Variants in PELI2 observed in about 807,000 individuals in gnomAD.
The protein encoded by PELI2 is pellino E3 ubiquitin protein ligase family member 2, also known as E3 ubiquitin-protein ligase pellino homolog 2.
A neutral mutation model predicts 42.3 loss-of-function variants in PELI2; 23 were observed. That is an observed-to-expected ratio of 0.54 (90% CI 0.39 to 0.77). The LOEUF (loss-of-function observed/expected upper bound fraction) is 0.77. Among genes scored for constraint, PELI2 ranks in the 30% least tolerant of loss-of-function variants. The pLI, the probability that PELI2 is intolerant of heterozygous loss-of-function variation, is 0.00. For missense variants in PELI2, 463 were observed against 553.2 expected (o/e 0.84, Z 1.64); for synonymous variants, 245 against 212.2 (o/e 1.15, Z -1.34).
At chr14:56,220,281 C>T (rs1440691992) in intron 2 of PELI2, among the ~76,000 whole-genome samples, 1 of 152,068 alleles carries the variant, frequency 6.6e-6, no homozygotes, top group African/African-American at 2.4e-5. Flanking sequence ...TTTTCATTTG[C>T]GCAAAGGCAC....
In PELI2 at chr14:56,236,456, T is replaced by TTG; in HGVS notation, c.208-43211_208-43210dup. ...CCAGACTTCTAGCTGGCTTTGAGTA[T>TTG]TGTGTGTGTGATGCATGCATATGCA... On this transcript the variant is annotated intron_variant, in intron 2 of 5. Transcript: ENST00000267460. Among the ~76,000 whole-genome samples, 4 of 152,316 alleles carry TTG rather than the reference T, an allele frequency of 2.6e-5. No homozygotes were observed. In the East Asian group the frequency reaches 7.7e-4, roughly 29 times the overall value.
At chr14:56,124,890 A>C (rs903458787) in intron 1 of PELI2, among the ~76,000 whole-genome samples, 1 of 152,234 alleles carries the variant, frequency 6.6e-6, no homozygotes, top group Non-Finnish European at 1.5e-5. Flanking sequence ...GAATGATTGA[A>C]TGAAACATTG....
chr14:56,135,029 A>G (rs1268396074), intron 1 of PELI2, among the ~76,000 whole-genome samples: 1 of 152,204 alleles, frequency 6.6e-6, no homozygotes, highest in African/African-American at 2.4e-5. Flanking sequence ...GGGAAATGTA[A>G]TATTTTTAAA....
At chr14:56,222,708 G>A (rs1242105138) in intron 2 of PELI2, among the ~76,000 whole-genome samples, 1 of 152,218 alleles carries the variant, frequency 6.6e-6, no homozygotes, top group East Asian at 1.9e-4. Flanking sequence ...TCTCTGGGCA[G>A]ACACTGCACA....
intron 2 of PELI2, among the ~76,000 whole-genome samples, chr14:56,239,203 C>G (rs1169123691): frequency 6.6e-6 from 1 of 152,178 alleles, no homozygotes; most frequent in Non-Finnish European, 1.5e-5. Flanking sequence ...CTGTCTTGCT[C>G]TCTGCATTTT....
Position 56,176,003 on chromosome 14 carries a change from C to T in PELI2, c.78-2332C>T, listed in dbSNP as rs572943707. Among the ~76,000 whole-genome samples the T allele has an allele frequency of 9.1e-4, 139 of 152,308 alleles. 1 individual carries two copies. Among genetic ancestry groups the T allele is most frequent in the Middle Eastern group, 6.8e-3 (2 of 294 alleles). On this transcript the variant is annotated intron_variant, in intron 1 of 5. Transcript: ENST00000267460. ...TACATTTTACAGCTCTAGCCAGCAA[C>T]TGAGAATGGATGACTATCTCTCTGT... is the stretch of plus-strand genomic sequence containing the variant.
intron 2 of PELI2, among the ~76,000 whole-genome samples, chr14:56,224,505 A>G (rs1398100330): frequency 6.6e-6 from 1 of 152,198 alleles, no homozygotes; most frequent in Non-Finnish European, 1.5e-5. Flanking sequence ...TGCACTTGAG[A>G]AAAGGGCCAT....
chr14:56,265,111 CTTT>C (rs999786764), intron 2 of PELI2, among the ~76,000 whole-genome samples: 1 of 152,082 alleles, frequency 6.6e-6, no homozygotes, highest in African/African-American at 2.4e-5. Flanking sequence ...TCCCAGCAGA[CTTT>C]TTTAAGAGAA....
intron 1 of PELI2, among the ~76,000 whole-genome samples, chr14:56,177,299 T>A (rs148768184): frequency 6.6e-6 from 1 of 152,120 alleles, no homozygotes; most frequent in Non-Finnish European, 1.5e-5. Context: ...CCCTTCTGGG[T>A]GTAGCTGGAA....
rs55861626 is a variant in PELI2, at chr14:56,197,916, GACACACACACACACACAC to G, written c.207+19467_207+19484del. 7.2e-6 allele frequency among the ~76,000 whole-genome samples: 1 copy of G among 138,172 alleles called. No homozygotes were observed. The highest frequency in any genetic ancestry group is 2.8e-5 in the African/African-American group (1 of 35,666). The allele number at this position is 138,172 out of a possible 152,430, so 90.6% of individuals were successfully genotyped here. The stretch of plus-strand genomic sequence containing the variant: ...CACACCAGGAATGGTGACTGGTGAA[GACACACACACACACACAC>G]ACACACACACACACCAGGGATCATG... On this transcript the variant is annotated intron_variant, in intron 2 of 5. Transcript: ENST00000267460. This position sits in a 1 kb window ranked among gnomAD's most constrained non-coding sequence, Gnocchi z 4.9.
intron 1 of PELI2, among the ~76,000 whole-genome samples, chr14:56,130,258 G>A (rs1440518752): frequency 2.0e-5 from 3 of 152,088 alleles, no homozygotes; most frequent in African/African-American, 7.2e-5. Context: ...CTCTTTAAAT[G>A]TTTAGCAAGG....
At chr14:56,268,248 T>G (rs1439955625) in intron 2 of PELI2, among the ~76,000 whole-genome samples, 1 of 152,230 alleles carries the variant, frequency 6.6e-6, no homozygotes, top group Non-Finnish European at 1.5e-5. Context: ...CGCAGGATGC[T>G]TTATTTTTAC....
chr14:56,181,870 GTGTT>G (rs1235399070), intron 2 of PELI2, among the ~76,000 whole-genome samples: 5 of 139,748 alleles, frequency 3.6e-5, no homozygotes, highest in East Asian at 4.3e-4. Flanking sequence ...GTGTGTGTGT[GTGTT>G]TTTAAATTAA....
At chr14:56,235,001 T>A (rs1396784873) in intron 2 of PELI2, among the ~76,000 whole-genome samples, 2 of 152,180 alleles carry the variant, frequency 1.3e-5, no homozygotes, top group Non-Finnish European at 2.9e-5. Context: ...TTCCTACTAC[T>A]TCACTTTCTT....
intron 1 of PELI2, among the ~76,000 whole-genome samples, chr14:56,165,874 A>G (rs1221870274): frequency 1.3e-5 from 2 of 151,880 alleles, no homozygotes; most frequent in African/African-American, 2.4e-5. Context: ...AACTTTTTCT[A>G]TCCCTTTATT....
At chr14:56,212,679 G>C (rs750005153) in intron 2 of PELI2, among the ~76,000 whole-genome samples, 7 of 152,214 alleles carry the variant, frequency 4.6e-5, no homozygotes, top group African/African-American at 1.7e-4. Context: ...TGCCAAGCTC[G>C]TGTAGCAAGT....
rs148039486 is a variant in PELI2 at position 56,196,019 on chromosome 14, C to T, written c.207+17555C>T. Among the ~76,000 whole-genome samples, 395 of 152,308 alleles carry T rather than the reference C, an allele frequency of 2.6e-3. 1 individual carries two copies. The highest frequency in any genetic ancestry group is 9.1e-3 in the African/African-American group (377 of 41,568). The stretch of plus-strand genomic sequence containing the variant: ...CTGGGCGTGGGTAGAGAAGGAGGGA[C>T]TCTGTACAATTAAGTGTTTACTCAG... On this transcript the variant is annotated intron_variant, in intron 2 of 5. Coordinates refer to ENST00000267460, the MANE Select transcript of PELI2 (RefSeq NM_021255.3).
At chr14:56,203,426 TC>T (rs1224051240) in intron 2 of PELI2, among the ~76,000 whole-genome samples, 1 of 152,116 alleles carries the variant, frequency 6.6e-6, no homozygotes, top group African/African-American at 2.4e-5. Context: ...AATATACATA[TC>T]TTTTTCTCTC....
intron 1 of PELI2, among the ~76,000 whole-genome samples, chr14:56,150,238 C>T (rs570248898): frequency 2.0e-5 from 3 of 152,322 alleles, no homozygotes; most frequent in Admixed American, 6.5e-5. Context: ...CATTAAGATG[C>T]AGTGTTAACT....
Sources: allele counts gnomAD v4.1 joint callset (sites outside exome capture counted in the v4.1 genomes callset), GRCh38; gene constraint gnomAD v4.1.1; non-coding constraint Gnocchi (gnomAD v3.1); transcripts MANE v1.5; gene names NCBI Gene and HGNC (gene_info 2026-07-23, HGNC 2026-07-21).